The following WWP1 variants were observed in gnomAD, a reference collection of about 807,000 sequenced individuals.
WWP1 encodes the protein WW domain containing E3 ubiquitin protein ligase 1, also known as NEDD4-like E3 ubiquitin-protein ligase WWP1.
WWP1 carries 49 observed loss-of-function variants against 130.6 expected under a neutral mutation model. That is an observed-to-expected ratio of 0.38 (90% confidence interval 0.30 to 0.48). The LOEUF (loss-of-function observed/expected upper bound fraction) is 0.48. WWP1 is among the 20% of genes least tolerant of loss of function. WWP1 has a pLI of 0.99. For synonymous variants in WWP1, 332 were observed against 367.8 expected (o/e 0.90, Z 1.11); for missense variants, 809 against 1,100.6 (o/e 0.74, Z 3.75).
In WWP1 at chr8:86,457,546, TAC is replaced by T. The variant is rs548137889; in HGVS notation, c.2395-365_2395-364del. Among the ~76,000 whole-genome samples, 1,496 of 151,858 alleles carry T rather than the reference TAC, an allele frequency of 9.9e-3. 28 individuals carry two copies. Among genetic ancestry groups the T allele is most frequent in the African/African-American group, 0.034 (1,426 of 41,476 alleles). ...ACATAATGTGTGTATACATAATAGA[TAC>T]ACACACACATTTAGATATAAATCTA... On this transcript the variant is annotated intron_variant, in intron 21 of 24. Coordinates refer to ENST00000517970, the MANE Select transcript of WWP1 (RefSeq NM_007013.4).
chr8:86,440,529 C>A, intron 17 of WWP1: 1 of 344,938 alleles, frequency 2.9e-6, no homozygotes, highest in Non-Finnish European at 5.6e-6. Flanking sequence ...TGAGGCCAGC[C>A]CCTTGTAAGA....
chr8:86,451,467 A>G (rs1209327162), intron 20 of WWP1, among the ~76,000 whole-genome samples: 1 of 152,070 alleles, frequency 6.6e-6, no homozygotes, highest in African/African-American at 2.4e-5. Context: ...TCTTATAATG[A>G]GTGTGGTGGT....
chr8:86,390,748 G>C (rs1226785715), intron 5 of WWP1, among the ~76,000 whole-genome samples: 7 of 151,862 alleles, frequency 4.6e-5, no homozygotes, highest in African/African-American at 1.7e-4. Context: ...AGGAGCGGGA[G>C]GGAGAGGGAG....
Position 86,435,702 on chromosome 8 carries a change from C to G in WWP1, c.1747C>G (p.Gln583Glu). 6.2e-7 allele frequency: 1 copy of G among 1,611,630 alleles called. No individual in the cohort carries two copies. The highest frequency in any genetic ancestry group is 8.5e-7 in the Non-Finnish European group (1 of 1,179,482). The change falls in exon 16 of 25, where the codon CAG becomes GAG. Residue 583 changes from glutamine (Q) to glutamate (E), a missense_variant and splice_region_variant. By Grantham distance (29) the Gln-to-Glu change is conservative. Coordinates refer to ENST00000517970, the MANE Select transcript of WWP1 (RefSeq NM_007013.4). ...GACATTGTTTGAAGATTCCTTCCAA[C>G]AGGTAAGGAGGATTTTAGCAGAATA... ...RQTLFEDSFQ[Q>E]IMALKPYDLR...
chr8:86,452,805 T>C, intron 21 of WWP1, 126 bp downstream of exon 21: 1 of 1,208,668 alleles, frequency 8.3e-7, no homozygotes, highest in Non-Finnish European at 1.2e-6. Flanking sequence ...CTCTCATTTG[T>C]CCTGATGTCA....
chr8:86,394,933 T>TAAAAAAAAAAAAA lies in WWP1; in HGVS notation c.335-3399_335-3387dup, dbSNP rs10694206. On this transcript the variant is annotated intron_variant, in intron 5 of 24. Coordinates refer to ENST00000517970, the MANE Select transcript of WWP1 (RefSeq NM_007013.4). ...CAAAAAGGTAGAGGGCTGTTCTTCT[T>TAAAAAAAAAAAAA]AAAAAAAAAAAAAAAAAAAAAAGCC... is the stretch of plus-strand genomic sequence containing the variant. 2.6e-5 allele frequency among the ~76,000 whole-genome samples: 2 copies of TAAAAAAAAAAAAA among 76,440 alleles called. 1 individual carries two copies. 50.1% of individuals were successfully genotyped at this position (76,440 alleles called of 152,430 possible).
In WWP1 at chr8:86,391,145, C is replaced by T. The variant is rs534674374; in HGVS notation, c.335-7197C>T. ...TTGTATTGTTTTCCCCAGAATCCAA[C>T]TAACTGCGTCTTGTTAGGGAGATTG... On this transcript the variant is annotated intron_variant, in intron 5 of 24. Coordinates refer to ENST00000517970, the MANE Select transcript of WWP1 (RefSeq NM_007013.4). Among the ~76,000 whole-genome samples, 248 of 152,310 alleles carry T rather than the reference C, an allele frequency of 1.6e-3. 2 individuals are homozygous for T. The highest frequency in any genetic ancestry group is 5.8e-3 in the African/African-American group (240 of 41,582).
chr8:86,401,426 G>A (rs935172736), intron 7 of WWP1, among the ~76,000 whole-genome samples: 1 of 151,942 alleles, frequency 6.6e-6, no homozygotes, highest in Non-Finnish European at 1.5e-5. Flanking sequence ...TGGGCACTGT[G>A]ATGCACGTCT....
chr8:86,343,063 G>A (rs973391867), intron 1 of WWP1, 133 bp downstream of exon 1: 4 of 290,914 alleles, frequency 1.4e-5, no homozygotes, highest in Non-Finnish European at 1.9e-5. Context: ...AGGACCCGTC[G>A]GGGGACGGTC....
chr8:86,398,095 CTTA>C (rs1192763031), intron 5 of WWP1, among the ~76,000 whole-genome samples: 1 of 152,136 alleles, frequency 6.6e-6, no homozygotes, highest in Non-Finnish European at 1.5e-5. Flanking sequence ...AATTGCTACA[CTTA>C]TTATTTAAAT....
In WWP1 at chr8:86,415,425, C is replaced by T. The variant is rs371469392; in HGVS notation, c.1061+3551C>T. Among the ~76,000 whole-genome samples the T allele has an allele frequency of 7.1e-4, 108 of 152,268 alleles. 1 individual carries two copies. The highest frequency in any genetic ancestry group is 2.5e-3 in the African/African-American group (105 of 41,564). ...CTCATCTCTTCATCTCTTCATCCATCTGATTTTTAGTGCATTTCAATGAGT... is the reference window on the plus strand; with the variant it reads ...CTCATCTCTTCATCTCTTCATCCATTTGATTTTTAGTGCATTTCAATGAGT... On this transcript the variant is annotated intron_variant, in intron 9 of 24. Coordinates refer to ENST00000517970, the MANE Select transcript of WWP1 (RefSeq NM_007013.4).
chr8:86,394,441 A>G (rs1807536207), intron 5 of WWP1, among the ~76,000 whole-genome samples: 1 of 152,218 alleles, frequency 6.6e-6, no homozygotes, highest in African/African-American at 2.4e-5. Flanking sequence ...CTGAGGATAC[A>G]TCACTGAATT....
intron 18 of WWP1, among the ~76,000 whole-genome samples, chr8:86,445,420 C>T (rs1238265413): frequency 6.6e-6 from 1 of 152,114 alleles, no homozygotes; most frequent in African/African-American, 2.4e-5. Flanking sequence ...TGCTGAGCTC[C>T]CACCTGTACG....
At chr8:86,410,803 T>C (rs896262386) in intron 8 of WWP1, among the ~76,000 whole-genome samples, 2 of 151,896 alleles carry the variant, frequency 1.3e-5, no homozygotes, top group African/African-American at 4.8e-5. Flanking sequence ...TCCAGTAGCA[T>C]TTAATCTGAG....
At chr8:86,462,103 T>C (rs182596994) in intron 24 of WWP1, among the ~76,000 whole-genome samples, 186 of 152,300 alleles carry the variant, frequency 1.2e-3, no homozygotes, top group African/African-American at 3.9e-3. Flanking sequence ...ATGTAAGTAT[T>C]CCCTGTTTTT....
At chr8:86,432,212 C>T (rs1243093302) in intron 14 of WWP1, among the ~76,000 whole-genome samples, 2 of 152,146 alleles carry the variant, frequency 1.3e-5, no homozygotes, top group Non-Finnish European at 2.9e-5. Context: ...TTTAAAGATA[C>T]CTTAATTAAG....
chr8:86,461,439 C>A, intron 23 of WWP1, 119 bp downstream of exon 23: 1 of 871,118 alleles, frequency 1.1e-6, no homozygotes, highest in South Asian at 1.7e-5. Flanking sequence ...GGTAGGGCTT[C>A]ATTTAGAAGA....
intron 1 of WWP1, among the ~76,000 whole-genome samples, chr8:86,356,451 T>A (rs73688822): frequency 0.045 from 6,809 of 150,136 alleles, 192 homozygotes; most frequent in Non-Finnish European, 0.059. Flanking sequence ...ATATATATAT[T>A]TTTTTTTACT....
chr8:86,384,050 G>A (rs1825141239), intron 5 of WWP1, among the ~76,000 whole-genome samples: 1 of 152,142 alleles, frequency 6.6e-6, no homozygotes, highest in Non-Finnish European at 1.5e-5. Context: ...CTTGTAGATG[G>A]ACATCTTTTC....
Sources: allele counts gnomAD v4.1 joint callset (sites outside exome capture counted in the v4.1 genomes callset), GRCh38; gene constraint gnomAD v4.1.1; transcripts MANE v1.5; gene names NCBI Gene and HGNC (gene_info 2026-07-23, HGNC 2026-07-21).